LOC122539214: variants seen among roughly 807,000 people sequenced by gnomAD.
the LOC122539214 span, among the ~76,000 whole-genome samples, chr19:52,683,425 C>G: frequency 2.0e-5 from 3 of 151,698 alleles, no homozygotes; most frequent in Non-Finnish European, 2.9e-5. Context: ...AGTCACGGAG[C>G]CTCCAGCTCC....
chr19:52,680,606 A>ATTTTTTTT, the LOC122539214 span, among the ~76,000 whole-genome samples: 11 of 88,942 alleles, frequency 1.2e-4, no homozygotes, highest in East Asian at 3.9e-4. Context: ...TCCACAAAAT[A>ATTTTTTTT]TTTTTTTTTT....
At chr19:52,677,319 A>G in the LOC122539214 span, among the ~76,000 whole-genome samples, 1 of 147,700 alleles carries the variant, frequency 6.8e-6, no homozygotes, top group Non-Finnish European at 1.5e-5. Flanking sequence ...AAAAAAAAAA[A>G]AAAAAAAAAA....
At chr19:52,681,666 A>C in the LOC122539214 span, among the ~76,000 whole-genome samples, 2 of 152,344 alleles carry the variant, frequency 1.3e-5, no homozygotes, top group Middle Eastern at 3.4e-3. Context: ...CACTGAATCC[A>C]GATGTCTGGG....
the LOC122539214 span, among the ~76,000 whole-genome samples, chr19:52,681,720 A>G: frequency 6.6e-6 from 1 of 152,258 alleles, no homozygotes; most frequent in Non-Finnish European, 1.5e-5. Context: ...ATACAGCTTC[A>G]AAACTAAACT....
chr19:52,683,228 C>CTGTGTGTG, the LOC122539214 span, among the ~76,000 whole-genome samples: 321 of 128,030 alleles, frequency 2.5e-3, 5 homozygotes, highest in East Asian at 0.022. Context: ...CCCTGTGACT[C>CTGTGTGTG]TGTGTGTGTG....
At chr19:52,671,412 A>C in the LOC122539214 span, among the ~76,000 whole-genome samples, 1 of 152,180 alleles carries the variant, frequency 6.6e-6, no homozygotes, top group African/African-American at 2.4e-5. Context: ...CTTCTGAAAA[A>C]ATTAGAAAAT....
the LOC122539214 span, among the ~76,000 whole-genome samples, chr19:52,687,616 GTATATATATATATAATGTATATATATA>G: frequency 1.0e-3 from 16 of 15,822 alleles, no homozygotes; most frequent in South Asian, 3.5e-3. Flanking sequence ...TATATAATGT[GTATATATATATATAATGTATATATATA>G]TATATATATA....
At chr19:52,661,730 G>A in the LOC122539214 span, among the ~76,000 whole-genome samples, 1 of 152,164 alleles carries the variant, frequency 6.6e-6, no homozygotes, top group Non-Finnish European at 1.5e-5. Context: ...AGGATCCAGT[G>A]AACAGCGAAG....
the LOC122539214 span, among the ~76,000 whole-genome samples, chr19:52,664,261 C>T: frequency 3.3e-5 from 5 of 151,480 alleles, no homozygotes; most frequent in South Asian, 2.1e-4. Flanking sequence ...TTTGGGAGGC[C>T]GATGCGGCTG....
At chr19:52,652,396 C>G in the LOC122539214 span, 1 of 345,238 alleles carries the variant, frequency 2.9e-6, no homozygotes, top group Non-Finnish European at 5.6e-6. Flanking sequence ...GATCACGCCA[C>G]TGCACCCCAG....
the LOC122539214 span, among the ~76,000 whole-genome samples, chr19:52,659,595 C>G: frequency 0.72 from 103,918 of 144,026 alleles, 37,566 homozygotes; most frequent in Admixed American, 0.79. Context: ...AATACCTCAA[C>G]AGAGCAAGAC....
the LOC122539214 span, among the ~76,000 whole-genome samples, chr19:52,676,685 G>A: frequency 1.3e-4 from 18 of 135,292 alleles, no homozygotes; most frequent in East Asian, 2.6e-3. Context: ...GGAATAGAAA[G>A]CGGGGAAAGG....
chr19:52,676,271 G>A, the LOC122539214 span, among the ~76,000 whole-genome samples: 4 of 152,310 alleles, frequency 2.6e-5, no homozygotes, highest in African/African-American at 4.8e-5. Context: ...ACGGAGTCTC[G>A]TTCACTCAGT....
At chr19:52,653,090 T>G in the LOC122539214 span, 1 of 1,477,966 alleles carries the variant, frequency 6.8e-7, no homozygotes, top group Non-Finnish European at 9.4e-7. Context: ...TGAATTGCCT[T>G]ATGAATTAGA....
the LOC122539214 span, among the ~76,000 whole-genome samples, chr19:52,657,334 G>A: frequency 6.6e-6 from 1 of 152,012 alleles, no homozygotes; most frequent in South Asian, 2.1e-4. Flanking sequence ...TTAGTGAAAA[G>A]GGGACAGGTG....
the LOC122539214 span, chr19:52,690,444 G>T: frequency 5.4e-6 from 1 of 184,536 alleles, no homozygotes; most frequent in South Asian, 8.4e-5. Flanking sequence ...GAAACTCACC[G>T]CCGCGGTGTG....
chr19:52,656,226 CTATA>C, the LOC122539214 span, among the ~76,000 whole-genome samples: 18 of 145,030 alleles, frequency 1.2e-4, no homozygotes, highest in South Asian at 2.1e-4. Flanking sequence ...CTCTCTCTCT[CTATA>C]TATATATATA....
At chr19:52,674,890 CA>C in the LOC122539214 span, among the ~76,000 whole-genome samples, 1 of 152,028 alleles carries the variant, frequency 6.6e-6, no homozygotes, top group Non-Finnish European at 1.5e-5. Context: ...GTCAAAGAAA[CA>C]AAAAACCGGC....
the LOC122539214 span, among the ~76,000 whole-genome samples, chr19:52,685,240 T>C: frequency 6.6e-6 from 1 of 152,098 alleles, no homozygotes; most frequent in Non-Finnish European, 1.5e-5. Flanking sequence ...ATCTCCAAGT[T>C]GCAGGGACGC....
Sources: gnomAD v4.1 joint callset for allele counts (sites outside exome capture counted in the v4.1 genomes callset) on GRCh38, gnomAD v4.1.1 for gene constraint, MANE v1.5 for transcripts.